DCC: variants seen among roughly 807,000 people sequenced by gnomAD.
DCC encodes the protein netrin receptor DCC.
Under a neutral mutation model 172.5 loss-of-function variants are expected in DCC, and 58 were observed. The observed-to-expected ratio is 0.34, with a 90% CI of 0.27 to 0.42. The LOEUF is 0.42. Among genes scored for constraint, DCC ranks in the 10% least tolerant of loss-of-function variants. The pLI, the probability that DCC is intolerant of heterozygous loss-of-function variation, is 1.00. For synonymous variants in DCC, 709 were observed against 644.5 expected, an observed-to-expected ratio of 1.10 and a Z score of -1.52; for missense variants, 1,740 against 1,791.0, an observed-to-expected ratio of 0.97 and a Z score of 0.51.
chr18:53,329,198 A>G (rs1167726856), intron 14 of DCC, among the ~76,000 whole-genome samples: 1 of 152,226 alleles, frequency 6.6e-6, no homozygotes, highest in Non-Finnish European at 1.5e-5. Flanking sequence ...ATTATGCCAA[A>G]TGGTAAAATA....
At chr18:52,974,851 T>A (rs1399709623) in intron 5 of DCC, among the ~76,000 whole-genome samples, 1 of 152,234 alleles carries the variant, frequency 6.6e-6, no homozygotes, top group Non-Finnish European at 1.5e-5. Context: ...ATAATTGACT[T>A]GTAGTAATTT....
At chr18:52,604,375 C>A (rs538366547) in intron 1 of DCC, among the ~76,000 whole-genome samples, 14 of 152,208 alleles carry the variant, frequency 9.2e-5, no homozygotes, top group African/African-American at 2.9e-4. Flanking sequence ...CAGCCACCTA[C>A]CAGAAACAGC....
intron 1 of DCC, among the ~76,000 whole-genome samples, chr18:52,453,132 C>G (rs1279035209): frequency 6.6e-6 from 1 of 152,148 alleles, no homozygotes; most frequent in Admixed American, 6.5e-5. Flanking sequence ...ATATAGCTAC[C>G]CTCAAATAAA....
chr18:52,402,481 A>C (rs1986479048), intron 1 of DCC, among the ~76,000 whole-genome samples: 1 of 151,970 alleles, frequency 6.6e-6, no homozygotes, highest in Non-Finnish European at 1.5e-5. Flanking sequence ...GCCCCAGGAA[A>C]GTACCCATCA....
intron 13 of DCC, among the ~76,000 whole-genome samples, chr18:53,318,751 GGT>G (rs1491488021): frequency 5.2e-4 from 54 of 103,824 alleles, no homozygotes; most frequent in African/African-American, 1.1e-3. Context: ...TTCTTCGTTG[GGT>G]TTTTTTTTTT....
chr18:53,178,432 T>C (rs2055142115), intron 8 of DCC, among the ~76,000 whole-genome samples: 1 of 152,200 alleles, frequency 6.6e-6, no homozygotes, highest in East Asian at 1.9e-4. Context: ...CTTTCACTAA[T>C]TGCACTTAAA....
At chr18:53,395,666 G>A (rs12327369) in intron 17 of DCC, among the ~76,000 whole-genome samples, 64,621 of 151,958 alleles carry the variant, frequency 0.43, 15,505 homozygotes, top group Non-Finnish European at 0.55. Context: ...TTTTTAAGAT[G>A]GAGTCTCGCT....
At chr18:53,229,912 A>G (rs556483998) in intron 12 of DCC, among the ~76,000 whole-genome samples, 1 of 152,250 alleles carries the variant, frequency 6.6e-6, no homozygotes, top group Non-Finnish European at 1.5e-5. Flanking sequence ...TTATGAGACT[A>G]TAAGCCTTTA....
intron 27 of DCC, among the ~76,000 whole-genome samples, chr18:53,501,418 G>C (rs527456160): frequency 1.2e-4 from 19 of 152,148 alleles, no homozygotes; most frequent in African/African-American, 4.6e-4. Context: ...TGTCTAACTT[G>C]TTTAATAAGA....
At chr18:53,201,418 C>G (rs929025219) in intron 9 of DCC, among the ~76,000 whole-genome samples, 1 of 152,144 alleles carries the variant, frequency 6.6e-6, no homozygotes, top group Non-Finnish European at 1.5e-5. Flanking sequence ...AATTCTGGAT[C>G]CCTCACATAC....
intron 5 of DCC, among the ~76,000 whole-genome samples, chr18:52,979,507 G>A (rs2041172710): frequency 6.6e-6 from 1 of 152,186 alleles, no homozygotes; most frequent in South Asian, 2.1e-4. Context: ...CACTCAGGTT[G>A]CAGCTGTCTT....
intron 27 of DCC, chr18:53,505,364 T>C (rs1342265566): frequency 1.3e-5 from 2 of 152,104 alleles, no homozygotes; most frequent in Non-Finnish European, 2.9e-5. Flanking sequence ...CATAAAGAAG[T>C]ATATAAGAGT....
At chr18:53,147,157 A>G (rs1410230684) in intron 7 of DCC, among the ~76,000 whole-genome samples, 2 of 152,186 alleles carry the variant, frequency 1.3e-5, no homozygotes, top group East Asian at 1.9e-4. Flanking sequence ...TGCCTCTTCT[A>G]TGGTTGATAG....
At chr18:53,409,736 A>T (rs1246744319) in intron 19 of DCC, among the ~76,000 whole-genome samples, 1 of 152,182 alleles carries the variant, frequency 6.6e-6, no homozygotes, top group Non-Finnish European at 1.5e-5. Flanking sequence ...CAATAATACT[A>T]TATAAACATA....
At chr18:52,671,673 G>A (rs942907524) in intron 1 of DCC, among the ~76,000 whole-genome samples, 2 of 151,600 alleles carry the variant, frequency 1.3e-5, no homozygotes, top group Non-Finnish European at 2.9e-5. Flanking sequence ...CCGAGTAGCT[G>A]GGAACACAGG....
chr18:52,751,757 T>G (rs2036997693), intron 1 of DCC, among the ~76,000 whole-genome samples: 1 of 152,164 alleles, frequency 6.6e-6, no homozygotes, highest in Non-Finnish European at 1.5e-5. Context: ...GTTTTTTCTG[T>G]CTAAATTTTC....
Position 52,891,826 on chromosome 18 carries a change from C to A in DCC, c.413-14218C>A, listed in dbSNP as rs191610211. 2.1e-3 allele frequency among the ~76,000 whole-genome samples: 316 copies of A among 152,194 alleles called. 1 individual carries two copies. Among genetic ancestry groups the A allele is most frequent in the African/African-American group, 7.2e-3 (300 of 41,550 alleles). On this transcript the variant is annotated intron_variant, in intron 2 of 28. Coordinates refer to ENST00000442544, the MANE Select transcript of DCC (RefSeq NM_005215.4). ...CCACTATTACCTTACTTGTCTATTT[C>A]CTTTTGCCTTGACTGCTGTTAAGTT...
chr18:52,373,691 A>G (rs2144304764), intron 1 of DCC, among the ~76,000 whole-genome samples: 1 of 152,142 alleles, frequency 6.6e-6, no homozygotes, highest in East Asian at 1.9e-4. Flanking sequence ...AGGAAAGTTA[A>G]CCAAGTTTGA....
At chr18:52,485,055 C>G (rs1440631741) in intron 1 of DCC, among the ~76,000 whole-genome samples, 1 of 152,078 alleles carries the variant, frequency 6.6e-6, no homozygotes, top group East Asian at 1.9e-4. Flanking sequence ...GCCTTTAAGA[C>G]TTGGAGCATG....
Sources: allele counts gnomAD v4.1 joint callset (sites outside exome capture counted in the v4.1 genomes callset), GRCh38; gene constraint gnomAD v4.1.1; transcripts MANE v1.5; gene names NCBI Gene and HGNC (gene_info 2026-07-23, HGNC 2026-07-21).